The following TTC23L variants were observed in gnomAD, a reference collection of about 807,000 sequenced individuals.
The protein encoded by TTC23L is tetratricopeptide repeat protein 23-like.
A neutral mutation model predicts 48.1 loss-of-function variants in TTC23L; 42 were observed. The ratio of observed to expected loss-of-function variants is 0.87; its 90% confidence interval spans 0.68 to 1.13. The LOEUF (loss-of-function observed/expected upper bound fraction) is 1.13. Ranked by LOEUF, TTC23L falls within the 50% of genes most tolerant of loss-of-function variation. The pLI is 0.00. For missense variants in TTC23L, 391 were observed against 421.0 expected, an observed-to-expected ratio of 0.93 and a Z score of 0.62; for synonymous variants, 159 against 157.2, an observed-to-expected ratio of 1.01 and a Z score of -0.09.
At chr5:34,885,287 A>G (rs1580479624) in intron 9 of TTC23L, among the ~76,000 whole-genome samples, 1 of 152,204 alleles carries the variant, frequency 6.6e-6, no homozygotes, top group African/African-American at 2.4e-5. Flanking sequence ...TAGATGCTAG[A>G]TTTTAAGGAG....
At chr5:34,877,137 G>A (rs770855935) in intron 8 of TTC23L, among the ~76,000 whole-genome samples, 10 of 152,112 alleles carry the variant, frequency 6.6e-5, no homozygotes, top group East Asian at 1.9e-4. Context: ...GGGATTTATC[G>A]CAGGTATGCA....
At chr5:34,884,401 A>T (rs1172147502) in intron 9 of TTC23L, among the ~76,000 whole-genome samples, 3 of 152,218 alleles carry the variant, frequency 2.0e-5, no homozygotes, top group African/African-American at 7.2e-5. Context: ...ATAGTACTGG[A>T]AGTACTAGCC....
At chr5:34,884,103 A>G (rs1014834965) in intron 9 of TTC23L, among the ~76,000 whole-genome samples, 9 of 152,342 alleles carry the variant, frequency 5.9e-5, no homozygotes, top group East Asian at 3.9e-4. Context: ...GGTTTGGCAT[A>G]CAAAAATCAA....
chr5:34,857,889 A>G (rs1252508039), intron 4 of TTC23L, among the ~76,000 whole-genome samples: 1 of 152,176 alleles, frequency 6.6e-6, no homozygotes, highest in Non-Finnish European at 1.5e-5. Flanking sequence ...TCTTTTAATT[A>G]CCGTGCCACA....
intron 6 of TTC23L, among the ~76,000 whole-genome samples, chr5:34,865,332 G>A (rs954150500): frequency 4.6e-5 from 7 of 152,250 alleles, no homozygotes; most frequent in Non-Finnish European, 5.9e-5. Context: ...TCATGTCTGC[G>A]TCCTCTAAAC....
intron 2 of TTC23L, among the ~76,000 whole-genome samples, chr5:34,842,396 G>A (rs1166590747): frequency 6.6e-6 from 1 of 151,286 alleles, no homozygotes; most frequent in Non-Finnish European, 1.5e-5. Flanking sequence ...TTCTGTTGCT[G>A]TTTGGGGGGC....
the TTC23L span, chr5:34,923,240 C>G: frequency 1.3e-6 from 2 of 1,569,104 alleles, no homozygotes; most frequent in Non-Finnish European, 1.8e-6. Flanking sequence ...TTCAGGTAAG[C>G]TTTACTTGAT....
chr5:34,869,810 C>T (rs957601166), intron 8 of TTC23L: 7 of 152,028 alleles, frequency 4.6e-5, no homozygotes, highest in African/African-American at 1.7e-4. Flanking sequence ...GCTTGTATTC[C>T]CCATGTCATT....
intron 3 of TTC23L, among the ~76,000 whole-genome samples, chr5:34,846,667 ATGTGTGTGTGTG>A (rs869123650): frequency 1.0e-3 from 69 of 66,334 alleles, no homozygotes; most frequent in African/African-American, 2.7e-3. Context: ...ATATGTGTGT[ATGTGTGTGTGTG>A]TGTGTGTGTG....
At chr5:34,925,032 G>T in the TTC23L span, 1 of 1,564,178 alleles carries the variant, frequency 6.4e-7, no homozygotes, top group South Asian at 1.2e-5. Flanking sequence ...TGGCCAAAAT[G>T]ATTCTGTGAA....
chr5:34,909,280 A>G, the TTC23L span: 2 of 1,610,424 alleles, frequency 1.2e-6, no homozygotes, highest in Non-Finnish European at 1.7e-6. Context: ...GTCTGATTAC[A>G]ATGAAATGCT....
chr5:34,921,930 A>C, the TTC23L span: 1 of 163,894 alleles, frequency 6.1e-6, no homozygotes. Context: ...AAAAAAAAGG[A>C]GGGAGGTTTC....
At chr5:34,890,636 A>G (rs112219364) in intron 9 of TTC23L, among the ~76,000 whole-genome samples, 7,298 of 152,194 alleles carry the variant, frequency 0.048, 245 homozygotes, top group South Asian at 0.1. Context: ...CCCATTTTAC[A>G]TGTGGGAAAA....
chr5:34,914,470 TA>T, the TTC23L span: 4 of 555,584 alleles, frequency 7.2e-6, no homozygotes, highest in Non-Finnish European at 1.3e-5. Flanking sequence ...ATTATCTCTG[TA>T]AAACAAGATG....
rs1156709677 is a variant in TTC23L at position 34,846,561 on chromosome 5, C to CAAAAAAAAAAAAAAA, written c.255+890_255+904dup. The stretch of plus-strand genomic sequence containing the variant: ...GGCCGACAACAGCTAGACTCTGTCT[C>CAAAAAAAAAAAAAAA]AAAAAAAAAAAAAAAATATATATAT... On this transcript the variant is annotated intron_variant, in intron 3 of 10. Transcript: ENST00000505624. 4.8e-4 allele frequency among the ~76,000 whole-genome samples: 15 copies of CAAAAAAAAAAAAAAA among 31,566 alleles called. 4 individuals are homozygous for CAAAAAAAAAAAAAAA. Among genetic ancestry groups the CAAAAAAAAAAAAAAA allele is most frequent in the African/African-American group, 1.6e-3 (13 of 8,240 alleles). 20.7% of individuals were successfully genotyped at this position (31,566 alleles called of 152,430 possible).
At chr5:34,892,074 G>A (rs1292221537) in intron 9 of TTC23L, among the ~76,000 whole-genome samples, 1 of 152,178 alleles carries the variant, frequency 6.6e-6, no homozygotes, top group East Asian at 1.9e-4. Context: ...AAACCATGGG[G>A]GTAACTGCCA....
intron 3 of TTC23L, among the ~76,000 whole-genome samples, chr5:34,846,576 A>AAAAAAAAAT (rs1208315692): frequency 1.0e-5 from 1 of 98,344 alleles, no homozygotes; most frequent in African/African-American, 6.3e-5. Flanking sequence ...AAAAAAAAAA[A>AAAAAAAAAT]ATATATATAT....
At chr5:34,845,012 A>C (rs554203469) in intron 2 of TTC23L, among the ~76,000 whole-genome samples, 1 of 152,254 alleles carries the variant, frequency 6.6e-6, no homozygotes, top group African/African-American at 2.4e-5. Context: ...TTGGATCAGA[A>C]TTTTAGAACA....
intron 10 of TTC23L, among the ~76,000 whole-genome samples, chr5:34,898,663 G>A (rs1206817511): frequency 6.6e-6 from 1 of 152,150 alleles, no homozygotes; most frequent in Non-Finnish European, 1.5e-5. Flanking sequence ...GTGCCAGATA[G>A]CTTTCTATAT....
Sources: gnomAD v4.1 joint callset for allele counts (sites outside exome capture counted in the v4.1 genomes callset) on GRCh38, gnomAD v4.1.1 for gene constraint, MANE v1.5 for transcripts, NCBI Gene and HGNC (gene_info 2026-07-23, HGNC 2026-07-21) for gene names.